Variants in BCL2L13 observed in about 807,000 individuals in gnomAD.
BCL2L13 encodes the protein bcl-2-like protein 13.
In BCL2L13, 13 loss-of-function variants were observed where a neutral mutation model predicts 25.8. The observed-to-expected ratio is 0.50, with a 90% confidence interval of 0.33 to 0.80. The LOEUF (loss-of-function observed/expected upper bound fraction) is 0.80. Among genes scored for constraint, BCL2L13 ranks in the 30% least tolerant of loss-of-function variants. BCL2L13 has a pLI of 0.02. For missense variants in BCL2L13, 504 were observed against 574.9 expected, an observed-to-expected ratio of 0.88 and a Z score of 1.26; for synonymous variants, 244 against 230.3, an observed-to-expected ratio of 1.06 and a Z score of -0.54.
At chr22:17,710,688 A>G (rs540256192) in intron 6 of BCL2L13, among the ~76,000 whole-genome samples, 1 of 152,186 alleles carries the variant, frequency 6.6e-6, no homozygotes, top group Admixed American at 6.5e-5. Flanking sequence ...CATCCTGGCT[A>G]ACACGGTGAA....
chr22:17,643,904 C>T (rs1231906815), intron 1 of BCL2L13, among the ~76,000 whole-genome samples: 1 of 149,618 alleles, frequency 6.7e-6, no homozygotes, highest in Admixed American at 6.7e-5. Context: ...TGAGCCACGG[C>T]GCCCGGCCAA....
At chr22:17,648,416 G>A (rs1419417949) in intron 1 of BCL2L13, among the ~76,000 whole-genome samples, 1 of 151,916 alleles carries the variant, frequency 6.6e-6, no homozygotes, top group Non-Finnish European at 1.5e-5. Context: ...TAGAAGTTGG[G>A]GCCAGATATG....
At chr22:17,693,670 G>T (rs572180878) in intron 4 of BCL2L13, among the ~76,000 whole-genome samples, 63 of 152,162 alleles carry the variant, frequency 4.1e-4, no homozygotes, top group Admixed American at 3.3e-3. Flanking sequence ...GTGAGCCACA[G>T]CACCTGGCTG....
intron 6 of BCL2L13, among the ~76,000 whole-genome samples, chr22:17,723,931 C>CAA (rs35516339): frequency 0.15 from 19,588 of 132,836 alleles, 1,810 homozygotes; most frequent in Non-Finnish European, 0.22. Flanking sequence ...GACTCCGTCT[C>CAA]AAAAAAAAAA....
intron 5 of BCL2L13, among the ~76,000 whole-genome samples, chr22:17,698,306 G>A (rs967707346): frequency 3.3e-5 from 5 of 151,834 alleles, no homozygotes; most frequent in African/African-American, 7.3e-5. Flanking sequence ...GTAGAGACAG[G>A]GTCTTGCCAT....
In BCL2L13 at chr22:17,688,979, T is replaced by C. The variant is rs780552096; in HGVS notation, c.230-7T>C. 6.2e-7 allele frequency: 1 copy of C among 1,609,614 alleles called. No homozygotes were observed. Among genetic ancestry groups the C allele is most frequent in the Non-Finnish European group, 8.5e-7 (1 of 1,178,730 alleles). On this transcript the variant is annotated splice_region_variant and splice_polypyrimidine_tract_variant and intron_variant, in intron 3 of 6. Coordinates refer to ENST00000317582, the MANE Select transcript of BCL2L13 (RefSeq NM_015367.4). Reference sequence around the variant, plus strand: ...TATATTAGGTTTTTCTTTTGTCCTATCTTCAGCCTTCACCAGCACAGGCTT... The same window carrying C: ...TATATTAGGTTTTTCTTTTGTCCTACCTTCAGCCTTCACCAGCACAGGCTT...
chr22:17,717,644 C>G (rs909485163), intron 6 of BCL2L13, among the ~76,000 whole-genome samples: 3 of 152,184 alleles, frequency 2.0e-5, no homozygotes, highest in East Asian at 1.9e-4. Flanking sequence ...ATTACCAGCA[C>G]CTAAAGAGCA....
In BCL2L13 at chr22:17,660,825, G is replaced by A. The variant is rs914288565; in HGVS notation, c.121+4993G>A. ...TTTTCTTTGAGACAGTCTCGCTCTCGTCAGGTGGGAGTGCAGTGGCACCAT... is the reference window on the plus strand; with the variant it reads ...TTTTCTTTGAGACAGTCTCGCTCTCATCAGGTGGGAGTGCAGTGGCACCAT... On this transcript the variant is annotated intron_variant, in intron 2 of 6. Transcript: ENST00000317582. Among the ~76,000 whole-genome samples, 25 of 145,680 alleles carry A rather than the reference G, an allele frequency of 1.7e-4. 5 individuals carry two copies. Among genetic ancestry groups the A allele is most frequent in the South Asian group, 2.1e-4 (1 of 4,664 alleles).
At chr22:17,644,676 A>G (rs1313700060) in intron 1 of BCL2L13, among the ~76,000 whole-genome samples, 1 of 151,422 alleles carries the variant, frequency 6.6e-6, no homozygotes, top group Non-Finnish European at 1.5e-5. Flanking sequence ...ATTTAGAAAC[A>G]GGTTTTTGAA....
At chr22:17,674,457 T>C (rs1011022318) in intron 2 of BCL2L13, among the ~76,000 whole-genome samples, 1 of 151,782 alleles carries the variant, frequency 6.6e-6, no homozygotes, top group South Asian at 2.1e-4. Context: ...ATATAGGAAA[T>C]TAGCCAGGCA....
intron 1 of BCL2L13, among the ~76,000 whole-genome samples, chr22:17,630,238 A>G (rs1183331714): frequency 6.6e-6 from 1 of 151,594 alleles, no homozygotes; most frequent in African/African-American, 2.4e-5. Flanking sequence ...AAAAAAAAAA[A>G]ACAAATTCCT....
chr22:17,715,171 T>TA (rs1183781107), intron 6 of BCL2L13, among the ~76,000 whole-genome samples: 1 of 6,626 alleles, frequency 1.5e-4, no homozygotes, highest in Non-Finnish European at 2.5e-4. Context: ...TATATATATA[T>TA]TTTTTTTTTT....
At chr22:17,713,460 ATT>A (rs34378723) in intron 6 of BCL2L13, among the ~76,000 whole-genome samples, 14,947 of 132,034 alleles carry the variant, frequency 0.11, 861 homozygotes, top group African/African-American at 0.16. Context: ...TTGAAAATGC[ATT>A]TTTTTTTTTT....
chr22:17,687,220 A>G (rs1007079856), intron 3 of BCL2L13, among the ~76,000 whole-genome samples: 3 of 152,226 alleles, frequency 2.0e-5, no homozygotes, highest in South Asian at 2.1e-4. Context: ...CTTGCATCGC[A>G]TTTGTACTCT....
chr22:17,727,182 A>G lies in BCL2L13; in HGVS notation c.1106A>G (p.Lys369Arg), dbSNP rs777866528. The change falls in exon 7 of 7, where the codon AAA becomes AGA. Residue 369 changes from lysine (K) to arginine (R), a missense_variant. Transcript: ENST00000317582. ...GACACAGAAGTGATCACAGTTGAGA[A>G]ATCCAGCCCTGCTACATCTCTGTTT... ...EPDTEVITVE[K>R]SSPATSLFVE... is the part of the protein sequence containing the mutation. 6 of 1,614,120 alleles carry G rather than the reference A, an allele frequency of 3.7e-6. No homozygotes were observed. The East Asian group carries it at 8.9e-5, about 24-fold the overall frequency.
rs150455685 is a variant in BCL2L13, at chr22:17,678,148, G to A, written c.122-5066G>A. On this transcript the variant is annotated intron_variant, in intron 2 of 6. Transcript: ENST00000317582. ...AGTGATCTTCACACATCAGGCTCCC[G>A]AGTATCTTGGACGATGGGAACATGC... 6.2e-3 allele frequency among the ~76,000 whole-genome samples: 940 copies of A among 152,226 alleles called. 6 individuals are homozygous for A. Among genetic ancestry groups the A allele is most frequent in the Middle Eastern group, 0.024 (7 of 294 alleles).
At position 17,713,454 on chromosome 22, in the gene BCL2L13, A is replaced by G. The variant is rs572590522; in HGVS notation, c.600+11068A>G. Reference sequence around the variant, plus strand: ...AATAAATAAACCCATCATAAGTTGAAAATGCATTTTTTTTTTTTTTTTTTG... The same window carrying G: ...AATAAATAAACCCATCATAAGTTGAGAATGCATTTTTTTTTTTTTTTTTTG... On this transcript the variant is annotated intron_variant, in intron 6 of 6. Transcript: ENST00000317582. Among the ~76,000 whole-genome samples, 22 of 136,998 alleles carry G rather than the reference A, an allele frequency of 1.6e-4. No individual in the cohort carries two copies. In the East Asian group the frequency reaches 4.8e-3, roughly 30 times the overall value. 89.9% of individuals were successfully genotyped at this position (136,998 alleles called of 152,430 possible). A position where few individuals can be genotyped will look rare whatever the true frequency, so the allele number is the denominator to read the frequency against.
intron 3 of BCL2L13, among the ~76,000 whole-genome samples, chr22:17,685,640 T>C (rs745883748): frequency 3.9e-5 from 6 of 152,170 alleles, no homozygotes; most frequent in Non-Finnish European, 8.8e-5. Context: ...GTTTATTCAT[T>C]CATTAGTTAA....
At chr22:17,648,856 G>C (rs1375559660) in intron 1 of BCL2L13, among the ~76,000 whole-genome samples, 1 of 152,148 alleles carries the variant, frequency 6.6e-6, no homozygotes, top group Non-Finnish European at 1.5e-5. Flanking sequence ...TCTGGCTTTT[G>C]GGTTGGCAAA....
Sources: gnomAD v4.1 joint callset for allele counts (sites outside exome capture counted in the v4.1 genomes callset) on GRCh38, gnomAD v4.1.1 for gene constraint, MANE v1.5 for transcripts, NCBI Gene and HGNC (gene_info 2026-07-23, HGNC 2026-07-21) for gene names.